Variants in CEP170B observed in about 807,000 individuals in gnomAD.
CEP170B encodes the protein centrosomal protein 170B.
Under a neutral mutation model 120.6 loss-of-function variants are expected in CEP170B, and 55 were observed. The ratio of observed to expected loss-of-function variants is 0.46; its 90% CI spans 0.37 to 0.57. CEP170B has a LOEUF of 0.57. Ranked by LOEUF, CEP170B falls within the 20% of genes least tolerant of loss-of-function variation. The probability of loss-of-function intolerance (pLI) is 0.00; values close to 1 mark genes in which losing one functional copy is unlikely to be tolerated. For missense variants in CEP170B, 2,212 were observed against 2,253.3 expected, an observed-to-expected ratio of 0.98 and a Z score of 0.37; for synonymous variants, 1,033 against 954.5, an observed-to-expected ratio of 1.08 and a Z score of -1.52.
intron 9 of CEP170B, 73 bp from the exon 10 acceptor site, chr14:104,885,296 G>C (rs1482744489): frequency 6.9e-7 from 1 of 1,444,138 alleles, no homozygotes; most frequent in African/African-American, 1.5e-5. Context: ...GCCTGGGGGT[G>C]GCCAGTGTCA....
intron 5 of CEP170B, among the ~76,000 whole-genome samples, chr14:104,879,746 G>A (rs536097571): frequency 3.1e-4 from 47 of 152,302 alleles, no homozygotes; most frequent in Admixed American, 1.2e-3. Flanking sequence ...CTGGCGACAC[G>A]CACAGCCGGG....
At chr14:104,892,880 G>A in intron 13 of CEP170B, 96 bp from the exon 14 acceptor site, 1 of 1,382,320 alleles carries the variant, frequency 7.2e-7, no homozygotes, top group Non-Finnish European at 1.0e-6. Context: ...CTGGCCAGCA[G>A]CTGCCTGGGA....
intron 2 of CEP170B, among the ~76,000 whole-genome samples, chr14:104,875,426 C>G (rs1201542167): frequency 6.6e-6 from 1 of 152,132 alleles, no homozygotes; most frequent in Non-Finnish European, 1.5e-5. Flanking sequence ...GATCCCCAGG[C>G]CTGTGGCTCC....
intron 3 of CEP170B, 52 bp from the exon 4 acceptor site, chr14:104,877,833 G>GCCCCCCCCCCCCCCCCCCTCCCCCCCCC: frequency 2.8e-6 from 1 of 359,810 alleles, no homozygotes; most frequent in South Asian, 3.5e-5. Flanking sequence ...CCTGCCCACA[G>GCCCCCCCCCCCCCCCCCCTCCCCCCCCC]CCACCCACCC....
In CEP170B at chr14:104,893,154, G is replaced by T; in HGVS notation, c.4038+19G>T. The T allele has an allele frequency of 6.2e-7, 1 of 1,601,866 alleles. No individual in the cohort carries two copies. The highest frequency in any genetic ancestry group is 2.2e-5 in the East Asian group (1 of 44,640). ...GGAGGAGGTGAGCCCCAGGCTTTCT[G>T]AGGCCCCTGTGCCAGAGCCACCCTC... On this transcript the variant is annotated intron_variant, in intron 14 of 18. Coordinates refer to ENST00000414716, the MANE Select transcript of CEP170B (RefSeq NM_001112726.3).
Position 104,895,173 on chromosome 14 carries a change from G to C in CEP170B, c.*215G>C. 1.9e-6 allele frequency: 1 copy of C among 539,142 alleles called. No individual in the cohort carries two copies. Among genetic ancestry groups the C allele is most frequent in the Non-Finnish European group, 3.2e-6 (1 of 314,298 alleles). 33.4% of individuals were successfully genotyped at this position (539,142 alleles called of 1,614,324 possible). ...CAGCCCCATGGCCACCCCCACCCCTGCCTCGCCCCCTACAGGCCTCTGGGC... is the reference window on the plus strand; with the variant it reads ...CAGCCCCATGGCCACCCCCACCCCTCCCTCGCCCCCTACAGGCCTCTGGGC... On this transcript the variant is annotated 3_prime_UTR_variant, in exon 19 of 19. Coordinates refer to ENST00000414716, the MANE Select transcript of CEP170B (RefSeq NM_001112726.3).
At chr14:104,890,110 G>GTGGA (rs1240800716) in intron 13 of CEP170B, among the ~76,000 whole-genome samples, 14 of 76,086 alleles carry the variant, frequency 1.8e-4, no homozygotes, top group African/African-American at 7.9e-4. Context: ...GGGTGGGTGG[G>GTGGA]TGGATGGATG....
In CEP170B at chr14:104,882,717, T is replaced by C; in HGVS notation, c.473-11T>C. 6.2e-7 allele frequency: 1 copy of C among 1,608,364 alleles called. No individual in the cohort carries two copies. The highest frequency in any genetic ancestry group is 8.5e-7 in the Non-Finnish European group (1 of 1,177,500). On this transcript the variant is annotated splice_polypyrimidine_tract_variant and intron_variant, in intron 6 of 18. Transcript: ENST00000414716. ...AGCAACACAGGGTCTGACCTCTCGC[T>C]CCCTCCACAGAGGCAGCCTCTTACC...
rs577272453 is a variant in CEP170B at position 104,877,661 on chromosome 14, G to A, written c.196-224G>A. On this transcript the variant is annotated intron_variant, in intron 3 of 18. Transcript: ENST00000414716. ...TCCATCATGGTCCCTGCAGTGCTGG[G>A]TGGGCCCCAGTGTCTGGGTGCCCCT... 4.3e-4 allele frequency among the ~76,000 whole-genome samples: 65 copies of A among 152,308 alleles called. 1 individual carries two copies. Among genetic ancestry groups the A allele is most frequent in the Admixed American group, 4.2e-3 (64 of 15,310 alleles).
rs750377771 is a variant in CEP170B at position 104,889,646 on chromosome 14, T to A, written c.3766T>A (p.Ser1256Thr). 3.1e-6 allele frequency: 5 copies of A among 1,611,584 alleles called. No homozygotes were observed. In the South Asian group the frequency reaches 5.5e-5, roughly 18 times the overall value. The change falls in exon 13 of 19, where the codon TCC becomes ACC. Residue 1256 changes from serine (S) to threonine (T), a missense_variant. Around this residue, in one of 2 missense-constraint regions of CEP170B, gnomAD observed 2,166 missense variants for 2,166.7 expected, o/e 1.00. Transcript: ENST00000414716. Reference protein sequence around the residue: ...STTQTPRAGSSSRARSRAPGP... With the variant: ...STTQTPRAGSTSRARSRAPGP... ...CACTCAGACCCCGAGGGCTGGCAGC[T>A]CCAGCCGGGCTCGTTCCCGGGCCCC... is the stretch of plus-strand genomic sequence containing the variant.
At position 104,891,020 on chromosome 14, in the gene CEP170B, TG is replaced by T. The variant is rs1896833783; in HGVS notation, c.3878+1265del. Among the ~76,000 whole-genome samples, 1 of 115,348 alleles carries T rather than the reference TG, an allele frequency of 8.7e-6. No individual in the cohort carries two copies. The highest frequency in any genetic ancestry group is 3.6e-5 in the African/African-American group (1 of 27,690). 75.7% of individuals were successfully genotyped at this position (115,348 alleles called of 152,430 possible). On this transcript the variant is annotated intron_variant, in intron 13 of 18. Coordinates refer to ENST00000414716, the MANE Select transcript of CEP170B (RefSeq NM_001112726.3). The surrounding 1 kb of genome is among the most constrained non-coding windows in gnomAD (Gnocchi z 4.3). The stretch of plus-strand genomic sequence containing the variant: ...GGGTGTGGATGGATGGATGAGTGGG[TG>T]GGTGGATGGATGGATGGATGGATGG...
chr14:104,868,445 A>G lies in CEP170B; in HGVS notation c.-6A>G. On this transcript the variant is annotated 5_prime_UTR_variant, in exon 2 of 19. Transcript: ENST00000414716. The surrounding 1 kb of genome is among the most constrained non-coding windows in gnomAD (Gnocchi z 5.9). Reference sequence around the variant, plus strand: ...CCAGGGCCAGACGGGCCCAGCCAGCACCAAGATGAGTGCCACGTCCTGGTT... The same window carrying G: ...CCAGGGCCAGACGGGCCCAGCCAGCGCCAAGATGAGTGCCACGTCCTGGTT... 6.5e-7 allele frequency: 1 copy of G among 1,548,376 alleles called. No individual in the cohort carries two copies. Among genetic ancestry groups the G allele is most frequent in the South Asian group, 1.2e-5 (1 of 83,980 alleles).
chr14:104,875,831 A>C (rs945415765), intron 2 of CEP170B, among the ~76,000 whole-genome samples: 4 of 152,078 alleles, frequency 2.6e-5, no homozygotes, highest in Non-Finnish European at 4.4e-5. Flanking sequence ...GAGTGGGAGC[A>C]CCAAAGGTGT....
Position 104,887,729 on chromosome 14 carries a change from C to T in CEP170B, c.3490C>T (p.Leu1164=). 3.2e-6 allele frequency: 5 copies of T among 1,584,360 alleles called. No homozygotes were observed. The highest frequency in any genetic ancestry group is 4.3e-6 in the Non-Finnish European group (5 of 1,166,862). ...GCCAGCTGCTGAGCAGGCCAAGAAG[C>T]TGTCACGCCTGGACATCCTGGCCAT... ...GRPAAEQAKK[L]SRLDILAMPR... is the part of the protein sequence containing the mutation. Residue 1164 remains leucine (L), a synonymous_variant, in exon 12 of 19, where the codon CTG becomes TTG. Transcript: ENST00000414716.
intron 13 of CEP170B, among the ~76,000 whole-genome samples, chr14:104,890,950 T>G (rs1595359053): frequency 9.8e-5 from 6 of 61,498 alleles, no homozygotes; most frequent in East Asian, 5.4e-4. Context: ...GATGGGTGGG[T>G]GGGTGGATGG....
rs1052614797 is a variant in CEP170B, at chr14:104,886,778, C to T, written c.2539C>T (p.Gln847Ter). The change falls in exon 12 of 19, where the codon CAG becomes TAG. Residue 847 changes from glutamine to a stop codon, truncating the protein, a stop_gained. Coordinates refer to ENST00000414716, the MANE Select transcript of CEP170B (RefSeq NM_001112726.3). LOFTEE classifies it high-confidence loss of function. ...YVSANGRMVI[Q>*]LRPGRSPEPD... is the part of the protein sequence containing the mutation. ...CAGTGCCAATGGGAGAATGGTCATC[C>T]AGCTACGGCCTGGACGGTCCCCAGA... is the stretch of plus-strand genomic sequence containing the variant. 1.9e-6 allele frequency: 3 copies of T among 1,611,614 alleles called. No individual in the cohort carries two copies. The highest frequency in any genetic ancestry group is 2.7e-5 in the African/African-American group (2 of 74,916).
At chr14:104,875,796 G>A (rs1246571599) in intron 2 of CEP170B, among the ~76,000 whole-genome samples, 1 of 152,192 alleles carries the variant, frequency 6.6e-6, no homozygotes, top group Non-Finnish European at 1.5e-5. Flanking sequence ...TGGGCTAGTG[G>A]CCCAGAAAGG....
chr14:104,885,719 C>T (rs1896450681), intron 10 of CEP170B, among the ~76,000 whole-genome samples, 177 bp downstream of exon 10: 1 of 152,140 alleles, frequency 6.6e-6, no homozygotes, highest in South Asian at 2.1e-4. Context: ...AGGTGTCAGG[C>T]CCACTGTTGA....
At chr14:104,892,441 A>ATCTGCCCAGCCCCACCC (rs11270835) in intron 13 of CEP170B, among the ~76,000 whole-genome samples, 4 of 151,694 alleles carry the variant, frequency 2.6e-5, no homozygotes, top group Non-Finnish European at 4.4e-5. Flanking sequence ...CCCTCTCTGG[A>ATCTGCCCAGCCCCACCC]TCTGCCCAGC....
Sources: allele counts gnomAD v4.1 joint callset (sites outside exome capture counted in the v4.1 genomes callset), GRCh38; gene constraint gnomAD v4.1.1; regional missense constraint gnomAD v4.1.1; non-coding constraint Gnocchi (gnomAD v3.1); transcripts MANE v1.5; gene names NCBI Gene and HGNC (gene_info 2026-07-23, HGNC 2026-07-21).